Variants in ATP2B2 observed in about 807,000 individuals in gnomAD.
ATP2B2 encodes the protein plasma membrane calcium-transporting ATPase 2.
Under a neutral mutation model 120.0 loss-of-function variants are expected in ATP2B2, and 15 were observed. That is an observed-to-expected ratio of 0.12 (90% confidence interval 0.08 to 0.19). The LOEUF is 0.19. ATP2B2 is among the 10% of genes least tolerant of loss of function. The pLI, the probability that ATP2B2 is intolerant of heterozygous loss-of-function variation, is 1.00. For missense variants in ATP2B2, 1,045 were observed against 1,719.8 expected (o/e 0.61, Z 6.94); for synonymous variants, 694 against 700.3 (o/e 0.99, Z 0.14).
At chr3:10,356,761 GA>G (rs1344245104) in intron 14 of ATP2B2, among the ~76,000 whole-genome samples, 7 of 152,238 alleles carry the variant, frequency 4.6e-5, no homozygotes, top group Non-Finnish European at 1.0e-4. Flanking sequence ...AGTGAGGCCT[GA>G]ACCCATTAGT....
intron 2 of ATP2B2, among the ~76,000 whole-genome samples, chr3:10,559,337 T>C (rs553859650): frequency 1.1e-3 from 173 of 152,260 alleles, no homozygotes; most frequent in East Asian, 4.8e-3. Flanking sequence ...CGGGTGAACA[T>C]AGTTAACAAT....
chr3:10,503,273 C>T (rs748456108), intron 1 of ATP2B2, among the ~76,000 whole-genome samples: 9 of 152,228 alleles, frequency 5.9e-5, no homozygotes, highest in Non-Finnish European at 8.8e-5. Flanking sequence ...GGGCTGGTTT[C>T]CTGATGCCAG....
At chr3:10,602,921 C>A (rs1293895225) in intron 2 of ATP2B2, among the ~76,000 whole-genome samples, 2 of 152,204 alleles carry the variant, frequency 1.3e-5, no homozygotes, top group Non-Finnish European at 2.9e-5. Context: ...TGTTTCATTT[C>A]TCTTCTCTCT....
At chr3:10,691,612 GAAA>G in intron 1 of ATP2B2, among the ~76,000 whole-genome samples, 1 of 152,212 alleles carries the variant, frequency 6.6e-6, no homozygotes, top group Non-Finnish European at 1.5e-5. Context: ...GACAAAGCCA[GAAA>G]CCAGGAGGAG....
chr3:10,508,802 A>G (rs2066700923), upstream of ATP2B2, among the ~76,000 whole-genome samples: 1 of 152,208 alleles, frequency 6.6e-6, no homozygotes, highest in Admixed American at 6.5e-5. Context: ...GTTGGAAATG[A>G]CAGGTCAGGG....
chr3:10,636,758 G>C (rs2070033552), intron 1 of ATP2B2, among the ~76,000 whole-genome samples: 1 of 152,192 alleles, frequency 6.6e-6, no homozygotes, highest in South Asian at 2.1e-4. Flanking sequence ...GGGGTACCCA[G>C]GTGGAGCCCG....
rs907425453 is a variant in ATP2B2 at position 10,495,708 on chromosome 3, G to A, written c.-320+9757C>T. Among the ~76,000 whole-genome samples the A allele has an allele frequency of 6.6e-5, 10 of 152,300 alleles. 1 individual carries two copies. The highest frequency in any genetic ancestry group is 6.2e-4 in the South Asian group (3 of 4,816). On this transcript the variant is annotated intron_variant, in intron 1 of 22. Coordinates refer to ENST00000360273, the MANE Select transcript of ATP2B2 (RefSeq NM_001001331.4). ...GCCCTGGGTCCCAGTGCCAGGTCTC[G>A]CTTAATTTTATTGCTACTCCCTGAG...
chr3:10,498,989 A>T (rs1385930590), intron 1 of ATP2B2, among the ~76,000 whole-genome samples: 1 of 152,176 alleles, frequency 6.6e-6, no homozygotes, highest in East Asian at 1.9e-4. Flanking sequence ...CTCGTGGCAC[A>T]ATCTTGTGAG....
At chr3:10,592,352 A>G (rs546730428) in intron 2 of ATP2B2, among the ~76,000 whole-genome samples, 1 of 152,356 alleles carries the variant, frequency 6.6e-6, no homozygotes, top group South Asian at 2.1e-4. Context: ...AAACATAAAT[A>G]AAGTCACTCA....
chr3:10,630,052 C>T (rs1255167403), intron 1 of ATP2B2, among the ~76,000 whole-genome samples: 2 of 152,218 alleles, frequency 1.3e-5, no homozygotes, highest in African/African-American at 2.4e-5. Flanking sequence ...GAGTGTGGGG[C>T]GTTGCTCTTC....
At chr3:10,625,152 A>C (rs555977091) in intron 1 of ATP2B2, among the ~76,000 whole-genome samples, 3 of 152,254 alleles carry the variant, frequency 2.0e-5, no homozygotes, top group Non-Finnish European at 4.4e-5. Context: ...TTCTGGCTAC[A>C]CAAGGTCTCT....
At chr3:10,694,075 A>G (rs141451074) in intron 1 of ATP2B2, among the ~76,000 whole-genome samples, 14 of 152,352 alleles carry the variant, frequency 9.2e-5, no homozygotes, top group African/African-American at 3.4e-4. Context: ...CAAAGTTAAC[A>G]TTTGCATAAA....
chr3:10,355,529 C>A (rs2125430432), intron 14 of ATP2B2, among the ~76,000 whole-genome samples: 1 of 152,286 alleles, frequency 6.6e-6, no homozygotes. Flanking sequence ...CAAGGGGCAC[C>A]TGGGCTGACC....
chr3:10,587,591 G>C (rs988531135), intron 2 of ATP2B2, among the ~76,000 whole-genome samples: 1 of 152,102 alleles, frequency 6.6e-6, no homozygotes, highest in African/African-American at 2.4e-5. Context: ...TGTTGGCCAG[G>C]CTGATCTCGA....
At chr3:10,535,919 T>TC (rs2067304809) in intron 2 of ATP2B2, among the ~76,000 whole-genome samples, 1 of 141,542 alleles carries the variant, frequency 7.1e-6, no homozygotes, top group Admixed American at 7.3e-5. Flanking sequence ...TTCTTTTTTC[T>TC]TTTTTTTTTA....
intron 2 of ATP2B2, among the ~76,000 whole-genome samples, chr3:10,615,561 TAAG>T (rs2069362508): frequency 6.6e-6 from 1 of 152,160 alleles, no homozygotes; most frequent in Admixed American, 6.5e-5. Flanking sequence ...CACAGTGATC[TAAG>T]AAGGTCAGCT....
Position 10,343,406 on chromosome 3 carries a change from C to G in ATP2B2, c.2704-441G>C, listed in dbSNP as rs1227798344. Reference sequence around the variant, plus strand: ...ACAAACAGTGCCCGTCCCCCACCCCCCCAATGTCTCCTCCCCTCTTATCCC... The same window carrying G: ...ACAAACAGTGCCCGTCCCCCACCCCGCCAATGTCTCCTCCCCTCTTATCCC... On this transcript the variant is annotated intron_variant, in intron 18 of 22. Coordinates refer to ENST00000360273, the MANE Select transcript of ATP2B2 (RefSeq NM_001001331.4). The surrounding 1 kb of genome is among the most constrained non-coding windows in gnomAD (Gnocchi z 4.2). Among the ~76,000 whole-genome samples the G allele has an allele frequency of 2.0e-5, 3 of 151,758 alleles. No homozygotes were observed. Among genetic ancestry groups the G allele is most frequent in the East Asian group, 1.9e-4 (1 of 5,176 alleles).
At chr3:10,655,479 G>A (rs908898456) in intron 1 of ATP2B2, among the ~76,000 whole-genome samples, 4 of 101,676 alleles carry the variant, frequency 3.9e-5, no homozygotes, top group East Asian at 8.9e-4. Flanking sequence ...CTGGTTGCAA[G>A]CCACTGTACT....
chr3:10,391,437 C>G (rs942595281), intron 5 of ATP2B2, among the ~76,000 whole-genome samples: 1 of 152,228 alleles, frequency 6.6e-6, no homozygotes, highest in Non-Finnish European at 1.5e-5. Flanking sequence ...TGCTCCCCAC[C>G]TCCCAACCCA....
Sources: gnomAD v4.1 joint callset for allele counts (sites outside exome capture counted in the v4.1 genomes callset) on GRCh38, gnomAD v4.1.1 for gene constraint, Gnocchi (gnomAD v3.1) non-coding constraint, MANE v1.5 for transcripts, NCBI Gene and HGNC (gene_info 2026-07-23, HGNC 2026-07-21) for gene names.